The following MTERF3 variants were observed in gnomAD, a reference collection of about 807,000 sequenced individuals.
MTERF3 encodes transcription termination factor 3, mitochondrial.
A neutral mutation model predicts 40.5 loss-of-function variants in MTERF3; 40 were observed. That is an observed-to-expected ratio of 0.99 (90% CI 0.77 to 1.29). The LOEUF (loss-of-function observed/expected upper bound fraction) is 1.29, where lower values mean the gene tolerates loss of function less well. Ranked by LOEUF, MTERF3 falls within the 50% of genes most tolerant of loss-of-function variation. The pLI, the probability that MTERF3 is intolerant of heterozygous loss-of-function variation, is 0.00. For synonymous variants in MTERF3, 158 were observed against 166.6 expected, an observed-to-expected ratio of 0.95 and a Z score of 0.40; for missense variants, 452 against 478.2, an observed-to-expected ratio of 0.95 and a Z score of 0.51.
intron 4 of MTERF3, among the ~76,000 whole-genome samples, chr8:96,248,555 T>G (rs1217822495): frequency 6.6e-6 from 1 of 152,212 alleles, no homozygotes; most frequent in Non-Finnish European, 1.5e-5. Context: ...ACAGTAGCTG[T>G]GTCGATAGGT....
chr8:96,260,834 C>T (rs2129961879), intron 1 of MTERF3, among the ~76,000 whole-genome samples: 1 of 152,338 alleles, frequency 6.6e-6, no homozygotes, highest in South Asian at 2.1e-4. Context: ...TGGATCCATC[C>T]TTCCGGGGAC....
At chr8:96,260,125 C>T (rs1314752359) in intron 1 of MTERF3, 1 of 152,148 alleles carries the variant, frequency 6.6e-6, no homozygotes, top group Non-Finnish European at 1.5e-5. Context: ...AGGCTGGCCT[C>T]GAACTCCTTA....
At chr8:96,241,052 T>C (rs1433453568) in intron 7 of MTERF3, among the ~76,000 whole-genome samples, 1 of 152,144 alleles carries the variant, frequency 6.6e-6, no homozygotes, top group African/African-American at 2.4e-5. Context: ...ATAACGAAGA[T>C]GTAAGAGGTT....
chr8:96,250,676 A>AGAG (rs1586169058), intron 4 of MTERF3, among the ~76,000 whole-genome samples: 4 of 38,858 alleles, frequency 1.0e-4, no homozygotes, highest in East Asian at 9.7e-4. Flanking sequence ...AAGAAGAAGA[A>AGAG]GAAGAAGGAG....
At chr8:96,240,871 T>C (rs1017425118) in intron 7 of MTERF3, among the ~76,000 whole-genome samples, 1 of 152,080 alleles carries the variant, frequency 6.6e-6, no homozygotes, top group Non-Finnish European at 1.5e-5. Context: ...AAGGACACTA[T>C]GAAAAGCAAT....
chr8:96,239,952 G>C, intron 7 of MTERF3: 6 of 612,858 alleles, frequency 9.8e-6, no homozygotes, highest in African/African-American at 1.9e-5. Flanking sequence ...AGAGACAGAG[G>C]AGAATGTGTT....
rs147623935 is a variant in MTERF3, at chr8:96,253,267, G to A, written c.488-2172C>T. On this transcript the variant is annotated intron_variant, in intron 3 of 7. Transcript: ENST00000287025. ...GCCTTCCCAACAATAAAGAGACAAG[G>A]AGGCAAAATGTTACCACGGCGCAGA... 3.3e-5 allele frequency among the ~76,000 whole-genome samples: 5 copies of A among 152,284 alleles called. No individual in the cohort carries two copies. In the East Asian group the frequency reaches 9.7e-4, roughly 29 times the overall value.
chr8:96,255,448 G>A (rs1810261800), intron 3 of MTERF3, among the ~76,000 whole-genome samples: 1 of 152,042 alleles, frequency 6.6e-6, no homozygotes, highest in East Asian at 1.9e-4. Context: ...AGATCAGCCT[G>A]GCCAACAGGG....
At chr8:96,250,681 A>AAGAAGAAGGAGG (rs1195195158) in intron 4 of MTERF3, among the ~76,000 whole-genome samples, 1 of 23,330 alleles carries the variant, frequency 4.3e-5, no homozygotes, top group Non-Finnish European at 8.9e-5. Flanking sequence ...GAAGAAGAAG[A>AAGAAGAAGGAGG]AGGAGGAGGA....
chr8:96,246,605 T>C (rs1810026721), intron 4 of MTERF3, 151 bp from the exon 5 acceptor site: 4 of 618,130 alleles, frequency 6.5e-6, no homozygotes, highest in Non-Finnish European at 1.0e-5. Context: ...TCTGTAACAA[T>C]GGCAAAAACA....
Position 96,239,697 on chromosome 8 carries a change from A to T in MTERF3, c.1060-12T>A. 1.3e-6 allele frequency: 2 copies of T among 1,565,072 alleles called. No homozygotes were observed. Among genetic ancestry groups the T allele is most frequent in the South Asian group, 2.4e-5 (2 of 83,752 alleles). ...CTTGTATTAAATACCTAGAAAAGAA[A>T]AAAAAGTTTTTAAAAAACACTGCAC... On this transcript the variant is annotated splice_polypyrimidine_tract_variant and intron_variant, in intron 7 of 7. Transcript: ENST00000287025.
Position 96,250,962 on chromosome 8 carries a change from T to A in MTERF3, c.621A>T (p.Ala207=). Residue 207 remains alanine, a synonymous_variant, in exon 4 of 8, where the codon GCA becomes GCT. Coordinates refer to ENST00000287025, the MANE Select transcript of MTERF3 (RefSeq NM_015942.5). ...AAATTGCATGATTTTTTGTCAGGAA[T>A]GCTCCCAGTTGGTTATCCTCTATAC... ...DVGIEDNQLG[A]FLTKNHAIFS... 6.2e-7 allele frequency: 1 copy of A among 1,608,814 alleles called. No homozygotes were observed. The highest frequency in any genetic ancestry group is 8.5e-7 in the Non-Finnish European group (1 of 1,178,818).
chr8:96,261,028 G>T (rs1810375415), intron 1 of MTERF3, among the ~76,000 whole-genome samples: 1 of 152,178 alleles, frequency 6.6e-6, no homozygotes, highest in African/African-American at 2.4e-5. Flanking sequence ...CTTTCATCAG[G>T]AAAATTACAG....
At chr8:96,241,366 C>T (rs549763720) in intron 7 of MTERF3, among the ~76,000 whole-genome samples, 6 of 151,654 alleles carry the variant, frequency 4.0e-5, no homozygotes, top group East Asian at 3.9e-4. Flanking sequence ...GCCGAGATCA[C>T]GCCACTGCAC....
chr8:96,240,213 A>AC (rs1363710965), intron 7 of MTERF3, among the ~76,000 whole-genome samples: 1 of 150,670 alleles, frequency 6.6e-6, no homozygotes, highest in Non-Finnish European at 1.5e-5. Context: ...GCGCCACTGC[A>AC]CTCCAGCCTG....
intron 1 of MTERF3, among the ~76,000 whole-genome samples, chr8:96,260,922 C>T (rs528999225): frequency 3.9e-5 from 6 of 152,220 alleles, no homozygotes; most frequent in Non-Finnish European, 8.8e-5. Flanking sequence ...GTACAGTTAA[C>T]TCACTTGCTT....
At position 96,244,151 on chromosome 8, in the gene MTERF3, C is replaced by T. The variant is rs1167113997; in HGVS notation, c.898-71G>A. The T allele has an allele frequency of 3.7e-6, 5 of 1,367,172 alleles. No individual in the cohort carries two copies. In the South Asian group the frequency reaches 4.2e-5, roughly 12 times the overall value. 84.7% of individuals were successfully genotyped at this position (1,367,172 alleles called of 1,614,324 possible). On this transcript the variant is annotated intron_variant, in intron 6 of 7. Transcript: ENST00000287025. Reference sequence around the variant, plus strand: ...ATTTTGGTACCATGGCAAGGCTGCACTGATTTTTTTTTTTTTTGAGATGGA... The same window carrying T: ...ATTTTGGTACCATGGCAAGGCTGCATTGATTTTTTTTTTTTTTGAGATGGA...
At chr8:96,250,206 C>T (rs914129204) in intron 4 of MTERF3, among the ~76,000 whole-genome samples, 5 of 151,902 alleles carry the variant, frequency 3.3e-5, no homozygotes, top group African/African-American at 1.2e-4. Flanking sequence ...GCAAATTATA[C>T]AGTAATTTGC....
chr8:96,252,713 T>C (rs1810208412), intron 3 of MTERF3, among the ~76,000 whole-genome samples: 1 of 152,172 alleles, frequency 6.6e-6, no homozygotes, highest in Non-Finnish European at 1.5e-5. Context: ...CTGTGATAAA[T>C]GGGGGAGCGG....
Sources: allele counts gnomAD v4.1 joint callset (sites outside exome capture counted in the v4.1 genomes callset), GRCh38; gene constraint gnomAD v4.1.1; transcripts MANE v1.5; gene names NCBI Gene and HGNC (gene_info 2026-07-23, HGNC 2026-07-21).